Variants in SLAMF1 observed in about 807,000 individuals in gnomAD.
SLAMF1 encodes signaling lymphocytic activation molecule family member 1.
Under a neutral mutation model 35.1 loss-of-function variants are expected in SLAMF1, and 18 were observed. That is an observed-to-expected ratio of 0.51 (90% CI 0.35 to 0.76). The LOEUF is 0.76. SLAMF1 is among the 30% of genes least tolerant of loss of function. SLAMF1 has a pLI of 0.01. For synonymous variants in SLAMF1, 168 were observed against 157.2 expected (o/e 1.07, Z -0.51); for missense variants, 392 against 413.0 (o/e 0.95, Z 0.44).
chr1:160,642,077 A>G lies in SLAMF1; in HGVS notation c.77-4548T>C, dbSNP rs1175548021. On this transcript the variant is annotated intron_variant, in intron 1 of 6. Coordinates refer to ENST00000302035, the MANE Select transcript of SLAMF1 (RefSeq NM_003037.5). The surrounding 1 kb of genome is among the most constrained non-coding windows in gnomAD (Gnocchi z 4.2). ...CCCTGACACTTTCATATGTGCTTTT[A>G]GCATCTTGCTACAGTATTCTTTCAG... Among the ~76,000 whole-genome samples the G allele has an allele frequency of 1.3e-5, 2 of 152,144 alleles. No homozygotes were observed. Among genetic ancestry groups the G allele is most frequent in the Non-Finnish European group, 2.9e-5 (2 of 68,024 alleles).
chr1:160,609,380 A>G lies in SLAMF1; in HGVS notation c.*1368T>C, dbSNP rs1658860501. ...TCTGTTGATTGCAACTAAGAACTCTATTAAAGAAGCTGGTACCAGGAAACG... is the reference window on the plus strand; with the variant it reads ...TCTGTTGATTGCAACTAAGAACTCTGTTAAAGAAGCTGGTACCAGGAAACG... On this transcript the variant is annotated 3_prime_UTR_variant, in exon 7 of 7. Transcript: ENST00000302035. The G allele has an allele frequency of 6.6e-6, 1 of 152,242 alleles. No homozygotes were observed. Among genetic ancestry groups the G allele is most frequent in the Non-Finnish European group, 1.5e-5 (1 of 68,050 alleles). The allele number at this position is 152,242 out of a possible 1,614,324, so 9.4% of individuals were successfully genotyped here. A position where few individuals can be genotyped will look rare whatever the true frequency, so the allele number is the denominator to read the frequency against.
At chr1:160,611,821 A>C (rs1659005381) in intron 6 of SLAMF1, among the ~76,000 whole-genome samples, 1 of 152,144 alleles carries the variant, frequency 6.6e-6, no homozygotes, top group East Asian at 1.9e-4. Context: ...TCTAGGCATG[A>C]GCATTTTTAC....
intron 3 of SLAMF1, among the ~76,000 whole-genome samples, chr1:160,628,206 T>TA (rs1240618792): frequency 5.3e-5 from 8 of 152,232 alleles, no homozygotes; most frequent in African/African-American, 7.2e-5. Flanking sequence ...AACTTTTTTT[T>TA]AAAAACTTAC....
At chr1:160,624,269 C>A in intron 3 of SLAMF1, 84 bp from the exon 4 acceptor site, 1 of 957,244 alleles carries the variant, frequency 1.0e-6, no homozygotes, top group Non-Finnish European at 1.6e-6. Context: ...ATAATGGAGC[C>A]TCATGTTCTA....
At chr1:160,632,370 G>A (rs979879487) in intron 3 of SLAMF1, among the ~76,000 whole-genome samples, 2 of 152,118 alleles carry the variant, frequency 1.3e-5, no homozygotes, top group Non-Finnish European at 2.9e-5. Context: ...TCCTGACAGG[G>A]CCCTTCCTGT....
rs1435346560 is a variant in SLAMF1 at position 160,624,144 on chromosome 1, C to T, written c.742G>A (p.Val248Ile). Residue 248 changes from valine to isoleucine, a missense_variant, in exon 4 of 7, where the codon GTC becomes ATC. Val to Ile is a conservative substitution (Grantham distance 29, BLOSUM62 3). Coordinates refer to ENST00000302035, the MANE Select transcript of SLAMF1 (RefSeq NM_003037.5). Reference sequence around the variant, plus strand: ...ACCACCATGATGAGAATCATGATGACACCCCCTAACAGCCCAGCATACACT... The same window carrying T: ...ACCACCATGATGAGAATCATGATGATACCCCCTAACAGCCCAGCATACACT... ...WAVYAGLLGG[V>I]IMILIMVVIL... The T allele has an allele frequency of 6.2e-7, 1 of 1,611,172 alleles. No individual in the cohort carries two copies. Among genetic ancestry groups the T allele is most frequent in the Non-Finnish European group, 8.5e-7 (1 of 1,178,962 alleles).
chr1:160,643,450 G>A (rs766030382), intron 1 of SLAMF1, among the ~76,000 whole-genome samples: 5 of 152,048 alleles, frequency 3.3e-5, no homozygotes, highest in East Asian at 1.9e-4. Flanking sequence ...TGCTCCTCTC[G>A]GGAAAAATTT....
intron 5 of SLAMF1, among the ~76,000 whole-genome samples, chr1:160,614,255 G>C (rs758974345): frequency 2.2e-4 from 33 of 152,304 alleles, no homozygotes; most frequent in Non-Finnish European, 4.6e-4. Context: ...GCAGTGATGA[G>C]ATAAAGAGGC....
rs1237694009 is a variant in SLAMF1, at chr1:160,608,427, A to C, written c.*2321T>G. 1 of 152,250 alleles carries C rather than the reference A, an allele frequency of 6.6e-6. No individual in the cohort carries two copies. Among genetic ancestry groups the C allele is most frequent in the Non-Finnish European group, 1.5e-5 (1 of 68,066 alleles). 9.4% of individuals were successfully genotyped at this position (152,250 alleles called of 1,614,324 possible). A position where few individuals can be genotyped will look rare whatever the true frequency, so the allele number is the denominator to read the frequency against. On this transcript the variant is annotated 3_prime_UTR_variant, in exon 7 of 7. Transcript: ENST00000302035. Reference sequence around the variant, plus strand: ...ATTGTTTTAAGTCTGAGGAAAAGGCAAGCTCCCGCTCCCCATAGTGCCATT... The same window carrying C: ...ATTGTTTTAAGTCTGAGGAAAAGGCCAGCTCCCGCTCCCCATAGTGCCATT...
chr1:160,637,214 A>C lies in SLAMF1; in HGVS notation c.392T>G (p.Phe131Cys). ...TLEKNVSVQR[F>C]CLQLRLYEQV... Reference sequence around the variant, plus strand: ...ACCATAAAGCCTCAACTGCAGGCAAAAGCGCTGAACTGAAACATTTTTCTC... The same window carrying C: ...ACCATAAAGCCTCAACTGCAGGCAACAGCGCTGAACTGAAACATTTTTCTC... Residue 131 changes from phenylalanine to cysteine, a missense_variant, in exon 2 of 7, where the codon TTT (phenylalanine) becomes TGT (cysteine). By Grantham distance (205) the Phe-to-Cys change is radical. Transcript: ENST00000302035. 1 of 1,614,014 alleles carries C rather than the reference A, an allele frequency of 6.2e-7. No homozygotes were observed. Among genetic ancestry groups the C allele is most frequent in the African/African-American group, 1.3e-5 (1 of 75,004 alleles).
At chr1:160,629,123 C>A (rs74123621) in intron 3 of SLAMF1, among the ~76,000 whole-genome samples, 1,611 of 152,282 alleles carry the variant, frequency 0.011, 26 homozygotes, top group African/African-American at 0.036. Flanking sequence ...GCAGGCTGGT[C>A]AATAACTCAC....
In SLAMF1 at chr1:160,610,681, G is replaced by A; in HGVS notation, c.*67C>T. 1 of 1,223,654 alleles carries A rather than the reference G, an allele frequency of 8.2e-7. No homozygotes were observed. Among genetic ancestry groups the A allele is most frequent in the Non-Finnish European group, 1.2e-6 (1 of 825,554 alleles). 75.8% of individuals were successfully genotyped at this position (1,223,654 alleles called of 1,614,324 possible). A position where few individuals can be genotyped will look rare whatever the true frequency, so the allele number is the denominator to read the frequency against. ...TGCCAGAGGAAACTTGGGGCCTGTG[G>A]CCAAGTTCAGTGTTCATTTTGGTTT... On this transcript the variant is annotated 3_prime_UTR_variant, in exon 7 of 7. Coordinates refer to ENST00000302035, the MANE Select transcript of SLAMF1 (RefSeq NM_003037.5).
At position 160,631,594 on chromosome 1, in the gene SLAMF1, C is replaced by G. The variant is rs115913584; in HGVS notation, c.700+3019G>C. ...AGTTAAAATGAGGTCATTAGGGTGG[C>G]CCCTAATCTAACCTAACTGGTGTCC... On this transcript the variant is annotated intron_variant, in intron 3 of 6. Transcript: ENST00000302035. Among the ~76,000 whole-genome samples, 526 of 152,114 alleles carry G rather than the reference C, an allele frequency of 3.5e-3. 4 individuals carry two copies. Among genetic ancestry groups the G allele is most frequent in the African/African-American group, 0.012 (515 of 41,488 alleles).
rs968459056 is a variant in SLAMF1 at position 160,610,441 on chromosome 1, T to A, written c.*307A>T. The A allele has an allele frequency of 2.0e-6, 1 of 495,354 alleles. No homozygotes were observed. The allele number at this position is 495,354 out of a possible 1,614,324, so 30.7% of individuals were successfully genotyped here. A position where few individuals can be genotyped will look rare whatever the true frequency, so the allele number is the denominator to read the frequency against. On this transcript the variant is annotated 3_prime_UTR_variant, in exon 7 of 7. Transcript: ENST00000302035. ...TATCCAGTTCCAGCCAAGAGCAAGA[T>A]GCCCAAAGTCTGAACTCACATTACT... is the stretch of plus-strand genomic sequence containing the variant.
At chr1:160,635,778 A>G (rs1571003539) in intron 2 of SLAMF1, among the ~76,000 whole-genome samples, 1 of 149,354 alleles carries the variant, frequency 6.7e-6, no homozygotes, top group Non-Finnish European at 1.5e-5. Flanking sequence ...ATGGGGTTTC[A>G]CCACCATAGC....
At chr1:160,645,785 C>T (rs1382298440) in intron 1 of SLAMF1, among the ~76,000 whole-genome samples, 1 of 152,142 alleles carries the variant, frequency 6.6e-6, no homozygotes, top group African/African-American at 2.4e-5. Flanking sequence ...TGAGCAAGCC[C>T]TGTTCGTCTG....
intron 1 of SLAMF1, among the ~76,000 whole-genome samples, chr1:160,646,374 T>G (rs1661040266): frequency 3.9e-5 from 6 of 152,196 alleles, no homozygotes; most frequent in Admixed American, 3.9e-4. Flanking sequence ...AGTTTTCACT[T>G]CTACTCTCTC....
chr1:160,618,107 C>G (rs747711448), intron 5 of SLAMF1, among the ~76,000 whole-genome samples: 2 of 151,964 alleles, frequency 1.3e-5, no homozygotes, highest in Non-Finnish European at 2.9e-5. Flanking sequence ...ACACGCAACA[C>G]TGAAAAATGT....
intron 2 of SLAMF1, among the ~76,000 whole-genome samples, chr1:160,636,755 C>T (rs757335546): frequency 5.3e-5 from 8 of 152,230 alleles, no homozygotes; most frequent in African/African-American, 9.6e-5. Context: ...GAAACACCTA[C>T]ACAAATGTGT....
Sources: allele counts gnomAD v4.1 joint callset (sites outside exome capture counted in the v4.1 genomes callset), GRCh38; gene constraint gnomAD v4.1.1; non-coding constraint Gnocchi (gnomAD v3.1); transcripts MANE v1.5; gene names NCBI Gene and HGNC (gene_info 2026-07-23, HGNC 2026-07-21).